Variants in HNRNPH3 observed in about 807,000 individuals in gnomAD.
HNRNPH3 encodes the protein heterogeneous nuclear ribonucleoprotein 2H9.
In HNRNPH3, 7 loss-of-function variants were observed where a neutral mutation model predicts 47.0. The ratio of observed to expected loss-of-function variants is 0.15; its 90% confidence interval spans 0.08 to 0.28. The LOEUF is 0.28. Ranked by LOEUF, HNRNPH3 falls within the 10% of genes least tolerant of loss-of-function variation. The probability of loss-of-function intolerance (pLI) is 1.00; values close to 1 mark genes in which losing one functional copy is unlikely to be tolerated. For missense variants in HNRNPH3, 279 were observed against 449.6 expected, an observed-to-expected ratio of 0.62 and a Z score of 3.43; for synonymous variants, 120 against 143.2, an observed-to-expected ratio of 0.84 and a Z score of 1.16.
intron 9 of HNRNPH3, 36 bp downstream of exon 9, chr10:68,341,887 T>C (rs1178271056): frequency 1.3e-6 from 2 of 1,590,244 alleles, no homozygotes; most frequent in Admixed American, 1.7e-5. Flanking sequence ...TTAGTCCGCA[T>C]ATGTAGTGCA....
chr10:68,335,285 A>G (rs531501898), intron 1 of HNRNPH3, among the ~76,000 whole-genome samples: 3 of 149,652 alleles, frequency 2.0e-5, no homozygotes, highest in Admixed American at 6.7e-5. Context: ...TCGTACCACT[A>G]AGATCCTCTC....
In HNRNPH3 at chr10:68,341,769, A is replaced by T; in HGVS notation, c.882A>T (p.Gly294=). The change falls in exon 9 of 10, where the codon GGA becomes GGT. Residue 294 remains glycine, a synonymous_variant. Coordinates refer to ENST00000265866, the MANE Select transcript of HNRNPH3 (RefSeq NM_012207.3). The part of the protein sequence containing the change: ...GYGRDGMDNQ[G]GYGSVGRMGM... ...TTTTTCTTTTTAAAGATAATCAGGGAGGCTATGGATCAGTTGGAAGAATGG... is the reference window on the plus strand; with the variant it reads ...TTTTTCTTTTTAAAGATAATCAGGGTGGCTATGGATCAGTTGGAAGAATGG... 6.2e-7 allele frequency: 1 copy of T among 1,602,960 alleles called. No individual in the cohort carries two copies. Among genetic ancestry groups the T allele is most frequent in the Non-Finnish European group, 8.5e-7 (1 of 1,175,808 alleles).
In HNRNPH3 at chr10:68,342,172, A is replaced by C. The variant is rs958784487; in HGVS notation, c.*118A>C. The C allele has an allele frequency of 4.8e-5, 32 of 667,196 alleles. No homozygotes were observed. The highest frequency in any genetic ancestry group is 8.0e-5 in the South Asian group (3 of 37,400). The allele number at this position is 667,196 out of a possible 1,614,324, so 41.3% of individuals were successfully genotyped here. On this transcript the variant is annotated 3_prime_UTR_variant, in exon 10 of 10. Transcript: ENST00000265866. ...ATAATGACTGAAGGAATGTGTTTTC[A>C]AAATATTATTTGGTAAAGCAACAGA...
Position 68,342,560 on chromosome 10 carries a change from A to ATAT in HNRNPH3, c.*514_*516dup, listed in dbSNP as rs765333033. 1 of 152,434 alleles carries ATAT rather than the reference A, an allele frequency of 6.6e-6. No individual in the cohort carries two copies. The highest frequency in any genetic ancestry group is 1.9e-4 in the East Asian group (1 of 5,194). The allele number at this position is 152,434 out of a possible 1,614,324, so 9.4% of individuals were successfully genotyped here. On this transcript the variant is annotated 3_prime_UTR_variant, in exon 10 of 10. Coordinates refer to ENST00000265866, the MANE Select transcript of HNRNPH3 (RefSeq NM_012207.3). ...AGTATAAATTCAGCTAATTATTTCT[A>ATAT]TATTATTATTTTTCAAATGTCATTT... is the stretch of plus-strand genomic sequence containing the variant.
intron 6 of HNRNPH3, among the ~76,000 whole-genome samples, chr10:68,340,115 A>C (rs1171582547): frequency 6.6e-6 from 1 of 151,702 alleles, no homozygotes; most frequent in Non-Finnish European, 1.5e-5. Context: ...GCTCACTGCA[A>C]CCTCCACCTC....
In HNRNPH3 at chr10:68,341,850, T is replaced by C. The variant is rs1377120274; in HGVS notation, c.963T>C (p.Tyr321=). ...GYGTPDGLGG[Y]GRGGGGSGGY... ...GTACTCCTGATGGTTTGGGTGGTTA[T>C]GGTAAGTATCTCTAGTTCAGTTTGT... The change falls in exon 9 of 10, where the codon TAT becomes TAC. Residue 321 remains tyrosine, a splice_region_variant and synonymous_variant. Coordinates refer to ENST00000265866, the MANE Select transcript of HNRNPH3 (RefSeq NM_012207.3). 4 of 1,608,882 alleles carry C rather than the reference T, an allele frequency of 2.5e-6. No individual in the cohort carries two copies. The highest frequency in any genetic ancestry group is 4.5e-5 in the East Asian group (2 of 44,838).
At chr10:68,341,353 A>G in intron 7 of HNRNPH3, 44 bp downstream of exon 7, 1 of 1,566,582 alleles carries the variant, frequency 6.4e-7, no homozygotes, top group Non-Finnish European at 8.6e-7. Context: ...CTAAACGTGA[A>G]TTTATAAAAT....
Position 68,338,663 on chromosome 10 carries a change from C to G in HNRNPH3, c.412C>G (p.Arg138Gly), listed in dbSNP as rs757254606. ...GRGSMYDRMR[R>G]GGDGYDGGYG... ...TGGAAGTATGTATGACAGAATGCGA[C>G]GAGGAGGTGATGGATATGATGGTGG... Residue 138 changes from arginine to glycine, a missense_variant, in exon 4 of 10, where the codon CGA becomes GGA. Physicochemically the swap from Arg to Gly is moderately radical, Grantham distance 125 (BLOSUM62 -2). Coordinates refer to ENST00000265866, the MANE Select transcript of HNRNPH3 (RefSeq NM_012207.3). The G allele has an allele frequency of 6.3e-7, 1 of 1,596,396 alleles. No individual in the cohort carries two copies. Among genetic ancestry groups the G allele is most frequent in the Non-Finnish European group, 8.5e-7 (1 of 1,171,312 alleles).
Position 68,339,454 on chromosome 10 carries a change from G to A in HNRNPH3, c.538G>A (p.Gly180Ser). ...MRDGRGMGGHGYGGAGDASSG... is the reference protein window; with the variant it reads ...MRDGRGMGGHSYGGAGDASSG... ...GTGTTTTCCAGGTATGGGAGGACAT[G>A]GCTATGGTGGAGCTGGTGATGCAAG... The change falls in exon 6 of 10, where the codon GGC becomes AGC. Residue 180 changes from glycine to serine, a missense_variant. Coordinates refer to ENST00000265866, the MANE Select transcript of HNRNPH3 (RefSeq NM_012207.3). 1.2e-6 allele frequency: 2 copies of A among 1,613,732 alleles called. No individual in the cohort carries two copies. The highest frequency in any genetic ancestry group is 1.7e-6 in the Non-Finnish European group (2 of 1,179,734).
Position 68,342,232 on chromosome 10 carries a change from GT to G in HNRNPH3, c.*180del. ...GAAAATGTTTTCTGTAGGTTTATTT[GT>G]TGCATACTTTGACTTAAAAATAAAT... On this transcript the variant is annotated 3_prime_UTR_variant, in exon 10 of 10. Coordinates refer to ENST00000265866, the MANE Select transcript of HNRNPH3 (RefSeq NM_012207.3). The G allele has an allele frequency of 1.9e-6, 1 of 515,684 alleles. No individual in the cohort carries two copies. Among genetic ancestry groups the G allele is most frequent in the East Asian group, 3.2e-5 (1 of 30,996 alleles). The allele number at this position is 515,684 out of a possible 1,614,324, so 31.9% of individuals were successfully genotyped here. A position where few individuals can be genotyped will look rare whatever the true frequency, so the allele number is the denominator to read the frequency against.
intron 3 of HNRNPH3, 197 bp downstream of exon 3, chr10:68,338,193 C>G: frequency 2.1e-6 from 1 of 479,662 alleles, no homozygotes; most frequent in Admixed American, 3.6e-5. Context: ...TAGATTGTTT[C>G]CATTTCTCTG....
chr10:68,331,879 G>A (rs1169246316), upstream of HNRNPH3: 1 of 152,356 alleles, frequency 6.6e-6, no homozygotes, highest in Non-Finnish European at 1.5e-5. Flanking sequence ...TCTTTAACTG[G>A]AACAGCCTCT....
chr10:68,341,340 T>C, intron 7 of HNRNPH3, 31 bp downstream of exon 7: 1 of 1,579,820 alleles, frequency 6.3e-7, no homozygotes. Flanking sequence ...ACAATCTTAT[T>C]TCCTAAACGT....
At position 68,341,263 on chromosome 10, in the gene HNRNPH3, A is replaced by C; in HGVS notation, c.729A>C (p.Thr243=). ...GAGAAGCAGATGTAGAGTTTGTGAC[A>C]CATGAAGATGCAGTAGCTGCCATGT... ...ATGEADVEFV[T]HEDAVAAMSK... is the part of the protein sequence containing the mutation. Residue 243 remains threonine (T), a synonymous_variant, in exon 7 of 10, where the codon ACA becomes ACC. Coordinates refer to ENST00000265866, the MANE Select transcript of HNRNPH3 (RefSeq NM_012207.3). 6.2e-7 allele frequency: 1 copy of C among 1,606,878 alleles called. No homozygotes were observed. Among genetic ancestry groups the C allele is most frequent in the East Asian group, 2.2e-5 (1 of 44,792 alleles).
chr10:68,337,172 C>A lies in HNRNPH3; in HGVS notation c.-23-27C>A. 2 of 1,093,406 alleles carry A rather than the reference C, an allele frequency of 1.8e-6. No individual in the cohort carries two copies. Among genetic ancestry groups the A allele is most frequent in the Non-Finnish European group, 2.8e-6 (2 of 712,622 alleles). 67.7% of individuals were successfully genotyped at this position (1,093,406 alleles called of 1,614,324 possible). The stretch of plus-strand genomic sequence containing the variant: ...GACAAGAGTATATTTTGATTGACTG[C>A]TCTATGTGCTTGTTTATTTTTTATA... On this transcript the variant is annotated intron_variant, in intron 1 of 9. Transcript: ENST00000265866. This position sits in a 1 kb window ranked among gnomAD's most constrained non-coding sequence, Gnocchi z 4.5.
chr10:68,342,841 A>G lies in HNRNPH3; in HGVS notation c.*787A>G, dbSNP rs1371338642. 6.6e-6 allele frequency: 1 copy of G among 152,544 alleles called. No homozygotes were observed. Among genetic ancestry groups the G allele is most frequent in the Admixed American group, 6.5e-5 (1 of 15,284 alleles). 9.4% of individuals were successfully genotyped at this position (152,544 alleles called of 1,614,324 possible). A position where few individuals can be genotyped will look rare whatever the true frequency, so the allele number is the denominator to read the frequency against. On this transcript the variant is annotated 3_prime_UTR_variant, in exon 10 of 10. Transcript: ENST00000265866. Reference sequence around the variant, plus strand: ...TTCAGTATTAAGTACATAGGTATTTACTATGGAGTATAATTCTCACAATTG... The same window carrying G: ...TTCAGTATTAAGTACATAGGTATTTGCTATGGAGTATAATTCTCACAATTG...
intron 8 of HNRNPH3, 22 bp from the exon 9 acceptor site, chr10:68,341,733 ATTTT>A: frequency 1.3e-6 from 2 of 1,584,856 alleles, no homozygotes; most frequent in Non-Finnish European, 1.7e-6. Flanking sequence ...ATGAGTCTCA[ATTTT>A]TTTTCTTTTT....
intron 1 of HNRNPH3, among the ~76,000 whole-genome samples, chr10:68,335,419 T>C (rs1160596978): frequency 7.4e-6 from 1 of 134,772 alleles, no homozygotes; most frequent in East Asian, 2.1e-4. Flanking sequence ...TTTTTTAGGT[T>C]GGTGCTATTT....
intron 6 of HNRNPH3, among the ~76,000 whole-genome samples, chr10:68,340,095 C>T (rs145996285): frequency 0.037 from 5,535 of 149,890 alleles, 315 homozygotes; most frequent in African/African-American, 0.13. Context: ...AGTGCAGTGG[C>T]GCGATCTCGG....
Sources: allele counts gnomAD v4.1 joint callset (sites outside exome capture counted in the v4.1 genomes callset), GRCh38; gene constraint gnomAD v4.1.1; non-coding constraint Gnocchi (gnomAD v3.1); transcripts MANE v1.5; gene names NCBI Gene and HGNC (gene_info 2026-07-23, HGNC 2026-07-21).